Variants in MED12L observed in about 807,000 individuals in gnomAD.
The protein encoded by MED12L is mediator of RNA polymerase II transcription subunit 12-like protein.
In MED12L, 60 loss-of-function variants were observed where a neutral mutation model predicts 281.3. The observed-to-expected ratio is 0.21, with a 90% CI of 0.17 to 0.26. The LOEUF (loss-of-function observed/expected upper bound fraction) is 0.26. Among genes scored for constraint, MED12L ranks in the 10% least tolerant of loss-of-function variants. The pLI, the probability that MED12L is intolerant of heterozygous loss-of-function variation, is 1.00. For synonymous variants in MED12L, 974 were observed against 987.2 expected, an observed-to-expected ratio of 0.99 and a Z score of 0.25; for missense variants, 2,146 against 2,680.9, an observed-to-expected ratio of 0.80 and a Z score of 4.41.
intron 43 of MED12L, among the ~76,000 whole-genome samples, chr3:151,426,799 T>C (rs1379031342): frequency 6.7e-6 from 1 of 149,660 alleles, no homozygotes; most frequent in Non-Finnish European, 1.5e-5. Flanking sequence ...AATAAAGTTA[T>C]ATGAGAATGA....
chr3:151,280,334 C>A (rs1306641711), intron 16 of MED12L, among the ~76,000 whole-genome samples: 4 of 152,140 alleles, frequency 2.6e-5, no homozygotes, highest in African/African-American at 9.7e-5. Flanking sequence ...ATGTACTGTT[C>A]TAAACACTCT....
intron 16 of MED12L, among the ~76,000 whole-genome samples, chr3:151,287,160 AAG>A (rs1180636614): frequency 6.6e-6 from 1 of 152,212 alleles, no homozygotes. Context: ...AGTTCTAGAA[AAG>A]AGTATGCAAA....
chr3:151,206,730 C>T (rs1726429823), intron 16 of MED12L, among the ~76,000 whole-genome samples: 1 of 140,690 alleles, frequency 7.1e-6, no homozygotes, highest in African/African-American at 2.7e-5. Context: ...CTGCAAGATC[C>T]GTCTCCCAGG....
intron 16 of MED12L, among the ~76,000 whole-genome samples, chr3:151,291,977 G>A (rs1429551928): frequency 6.6e-6 from 1 of 152,158 alleles, no homozygotes; most frequent in Non-Finnish European, 1.5e-5. Context: ...AACATGCCTA[G>A]TAACTATATA....
chr3:151,394,626 G>C, intron 38 of MED12L, 30 bp from the exon 39 acceptor site: 1 of 1,611,864 alleles, frequency 6.2e-7, no homozygotes, highest in Non-Finnish European at 8.5e-7. Flanking sequence ...AACGTAGTTA[G>C]AAAGTGTTTC....
chr3:151,182,895 G>C (rs192967720), intron 11 of MED12L, among the ~76,000 whole-genome samples: 1 of 152,154 alleles, frequency 6.6e-6, no homozygotes. Flanking sequence ...CATTACAGTT[G>C]GGATAACTAC....
chr3:151,126,333 C>T (rs529463900), intron 4 of MED12L, among the ~76,000 whole-genome samples: 17 of 152,286 alleles, frequency 1.1e-4, no homozygotes, highest in East Asian at 5.8e-4. Flanking sequence ...CCTGAGCTGC[C>T]GTGCAGGGCC....
intron 16 of MED12L, among the ~76,000 whole-genome samples, chr3:151,309,250 T>C (rs1332728890): frequency 6.6e-6 from 1 of 152,214 alleles, no homozygotes; most frequent in Non-Finnish European, 1.5e-5. Flanking sequence ...CTAATAGGAA[T>C]ATTTGAATTA....
chr3:151,352,888 A>C (rs1753412255), intron 17 of MED12L, among the ~76,000 whole-genome samples: 1 of 152,234 alleles, frequency 6.6e-6, no homozygotes, highest in Non-Finnish European at 1.5e-5. Flanking sequence ...TAAGCAACAA[A>C]AGAGCAATAA....
At chr3:151,290,711 C>G (rs1276147327) in intron 16 of MED12L, among the ~76,000 whole-genome samples, 1 of 151,582 alleles carries the variant, frequency 6.6e-6, no homozygotes, top group East Asian at 1.9e-4. Flanking sequence ...CCATATTACA[C>G]TGAACTAGGC....
At chr3:151,247,523 AAC>A (rs1735843790) in intron 16 of MED12L, among the ~76,000 whole-genome samples, 1 of 150,366 alleles carries the variant, frequency 6.7e-6, no homozygotes, top group Non-Finnish European at 1.5e-5. Context: ...CAAAAAACCA[AAC>A]ACTGCATATT....
chr3:151,248,208 A>G (rs1441177039), intron 16 of MED12L, among the ~76,000 whole-genome samples: 1 of 152,076 alleles, frequency 6.6e-6, no homozygotes, highest in African/African-American at 2.4e-5. Context: ...GGAAAGGAAA[A>G]TTAAAACCTA....
At chr3:151,216,760 G>A (rs1181705637) in intron 16 of MED12L, among the ~76,000 whole-genome samples, 1 of 152,044 alleles carries the variant, frequency 6.6e-6, no homozygotes, top group East Asian at 1.9e-4. Context: ...CTCCTTATGA[G>A]CCTGTTTCAT....
Position 151,434,684 on chromosome 3 carries a change from A to AGT in MED12L, c.*1882_*1883dup, listed in dbSNP as rs1418171773. 7 of 152,226 alleles carry AGT rather than the reference A, an allele frequency of 4.6e-5. No individual in the cohort carries two copies. Among genetic ancestry groups the AGT allele is most frequent in the African/African-American group, 1.7e-4 (7 of 41,466 alleles). 9.4% of individuals were successfully genotyped at this position (152,226 alleles called of 1,614,324 possible). On this transcript the variant is annotated 3_prime_UTR_variant, in exon 45 of 45. Coordinates refer to ENST00000687756, the MANE Select transcript of MED12L (RefSeq NM_001393769.1). Reference sequence around the variant, plus strand: ...CAACCGAAATGTGAATGTTGTGCCTAGTGAGTGAGTCATGTTCCATCATTA... The same window carrying AGT: ...CAACCGAAATGTGAATGTTGTGCCTAGTGTGAGTGAGTCATGTTCCATCATTA...
intron 16 of MED12L, among the ~76,000 whole-genome samples, chr3:151,218,973 A>T (rs1577006825): frequency 1.3e-5 from 2 of 151,648 alleles, no homozygotes; most frequent in Non-Finnish European, 2.9e-5. Context: ...ACAAATCCAG[A>T]TATATGAGAA....
chr3:151,216,318 T>C (rs1398806005), intron 16 of MED12L, among the ~76,000 whole-genome samples: 1 of 152,206 alleles, frequency 6.6e-6, no homozygotes, highest in African/African-American at 2.4e-5. Flanking sequence ...TGTCAGAGAA[T>C]GCATCTTTTT....
chr3:151,313,993 A>G (rs1281844994), intron 16 of MED12L, among the ~76,000 whole-genome samples: 1 of 152,196 alleles, frequency 6.6e-6, no homozygotes, highest in Admixed American at 6.5e-5. Flanking sequence ...GTATATGCTA[A>G]TTATTGTTGT....
At chr3:151,299,976 T>C (rs1745678375) in intron 16 of MED12L, 3 of 871,382 alleles carry the variant, frequency 3.4e-6, no homozygotes, top group Admixed American at 1.7e-5. Flanking sequence ...TAGTTGGTTC[T>C]CTGACCATTA....
chr3:151,414,103 C>T (rs565819812), intron 42 of MED12L, among the ~76,000 whole-genome samples: 171 of 152,234 alleles, frequency 1.1e-3, no homozygotes, highest in Non-Finnish European at 1.8e-3. Flanking sequence ...CCGCCCACCT[C>T]GGCCTCCCAA....
Sources: gnomAD v4.1 joint callset for allele counts (sites outside exome capture counted in the v4.1 genomes callset) on GRCh38, gnomAD v4.1.1 for gene constraint, MANE v1.5 for transcripts, NCBI Gene and HGNC (gene_info 2026-07-23, HGNC 2026-07-21) for gene names.